The following CYTH4 variants were observed in gnomAD, a reference collection of about 807,000 sequenced individuals.
CYTH4 encodes the protein cytohesin-4.
Under a neutral mutation model 57.5 loss-of-function variants are expected in CYTH4, and 22 were observed. The observed-to-expected ratio is 0.38, with a 90% CI of 0.27 to 0.55. The LOEUF (loss-of-function observed/expected upper bound fraction) is 0.55, where lower values mean the gene tolerates loss of function less well. Ranked by LOEUF, CYTH4 falls within the 20% of genes least tolerant of loss-of-function variation. CYTH4 has a pLI of 0.74. For missense variants in CYTH4, 420 were observed against 535.6 expected (o/e 0.78, Z 2.13); for synonymous variants, 186 against 206.5 (o/e 0.90, Z 0.85).
rs757878344 is a variant in CYTH4, at chr22:37,299,292, C to T, written c.420C>T (p.Leu140=). The T allele has an allele frequency of 3.7e-6, 6 of 1,613,918 alleles. No individual in the cohort carries two copies. Among genetic ancestry groups the T allele is most frequent in the Admixed American group, 1.7e-5 (1 of 59,994 alleles). ...GCCACGAGTTCGCCAACCTCAACCTCGTCCAGGCCCTCAGGTGAGTAGTCC... is the reference window on the plus strand; with the variant it reads ...GCCACGAGTTCGCCAACCTCAACCTTGTCCAGGCCCTCAGGTGAGTAGTCC... ...VDCHEFANLN[L]VQALRQFLWS... The change falls in exon 6 of 13, where the codon CTC becomes CTT. Residue 140 remains leucine (L), a synonymous_variant. Coordinates refer to ENST00000248901, the MANE Select transcript of CYTH4 (RefSeq NM_013385.5).
Position 37,314,617 on chromosome 22 carries a change from AC to A in CYTH4, c.*1109del, listed in dbSNP as rs908250970. Reference sequence around the variant, plus strand: ...GCCCGGCGGGTCCCAGCATCTCGAGACCCTCTGCAGAAGTATTATCAGAGTA... The same window carrying A: ...GCCCGGCGGGTCCCAGCATCTCGAGACCTCTGCAGAAGTATTATCAGAGTA... On this transcript the variant is annotated 3_prime_UTR_variant, in exon 13 of 13. Coordinates refer to ENST00000248901, the MANE Select transcript of CYTH4 (RefSeq NM_013385.5). 5 of 392,940 alleles carry A rather than the reference AC, an allele frequency of 1.3e-5. No homozygotes were observed. The highest frequency in any genetic ancestry group is 6.4e-4 in the Middle Eastern group (1 of 1,558). 24.3% of individuals were successfully genotyped at this position (392,940 alleles called of 1,614,324 possible).
intron 9 of CYTH4, 48 bp downstream of exon 9, chr22:37,309,371 G>A (rs750801433): frequency 1.7e-5 from 26 of 1,530,968 alleles, no homozygotes; most frequent in East Asian, 1.4e-4. Context: ...TCATGCACGC[G>A]CGGGCACACA....
At chr22:37,297,967 C>T in intron 5 of CYTH4, 1 of 268,360 alleles carries the variant, frequency 3.7e-6, no homozygotes, top group Non-Finnish European at 7.3e-6. Flanking sequence ...AAACTCTTGT[C>T]CTCAGGAAGT....
At chr22:37,302,348 G>A (rs763400447) in intron 7 of CYTH4, among the ~76,000 whole-genome samples, 11 of 152,118 alleles carry the variant, frequency 7.2e-5, no homozygotes, top group African/African-American at 1.9e-4. Context: ...TTTGAATCAC[G>A]GTCCAATTAC....
chr22:37,304,514 T>C (rs1364703851), intron 8 of CYTH4, among the ~76,000 whole-genome samples: 1 of 152,136 alleles, frequency 6.6e-6, no homozygotes, highest in African/African-American at 2.4e-5. Context: ...ATCCCCTCCA[T>C]GGTCAGAGCC....
At position 37,311,818 on chromosome 22, in the gene CYTH4, G is replaced by T. The variant is rs1435910912; in HGVS notation, c.958-202G>T. The T allele has an allele frequency of 1.2e-5, 9 of 727,626 alleles. No homozygotes were observed. Among genetic ancestry groups the T allele is most frequent in the Non-Finnish European group, 2.0e-5 (9 of 452,842 alleles). 45.1% of individuals were successfully genotyped at this position (727,626 alleles called of 1,614,324 possible). A position where few individuals can be genotyped will look rare whatever the true frequency, so the allele number is the denominator to read the frequency against. ...GAACCTCAGTGAGCCCACATGTCAC[G>T]TGGGGACTTTAGGGAGGATGGTGGA... On this transcript the variant is annotated intron_variant, in intron 11 of 12. Transcript: ENST00000248901. This position sits in a 1 kb window ranked among gnomAD's most constrained non-coding sequence, Gnocchi z 4.4.
intron 2 of CYTH4, 54 bp downstream of exon 2, chr22:37,292,757 TG>T: frequency 6.4e-7 from 1 of 1,569,466 alleles, no homozygotes; most frequent in Non-Finnish European, 8.7e-7. Context: ...CCTGCACGCT[TG>T]TACGCACCCC....
chr22:37,304,158 A>G (rs1569110284), intron 8 of CYTH4: 1 of 456,686 alleles, frequency 2.2e-6, no homozygotes, highest in Non-Finnish European at 4.4e-6. Context: ...TGACTTCTGA[A>G]CTGGGCCTTG....
chr22:37,309,159 T>C (rs1929540482), intron 8 of CYTH4, 53 bp from the exon 9 acceptor site: 2 of 1,551,010 alleles, frequency 1.3e-6, no homozygotes, highest in African/African-American at 1.4e-5. Flanking sequence ...GGCCTAGGCC[T>C]TGGACTCGGG....
At chr22:37,288,476 C>T (rs1928632050) in intron 1 of CYTH4, among the ~76,000 whole-genome samples, 1 of 152,082 alleles carries the variant, frequency 6.6e-6, no homozygotes, top group African/African-American at 2.4e-5. Context: ...ATCCCAGCTA[C>T]TGGGGAGGCT....
Position 37,311,557 on chromosome 22 carries a change from C to G in CYTH4, c.957+30C>G. ...GTGTTCAGGTTGCAGGATCCCGAGG[C>G]TGGAGCCACTGGGAAATTTCCTAAA... On this transcript the variant is annotated intron_variant, in intron 11 of 12. Transcript: ENST00000248901. This position sits in a 1 kb window ranked among gnomAD's most constrained non-coding sequence, Gnocchi z 4.4. 6.2e-7 allele frequency: 1 copy of G among 1,605,412 alleles called. No individual in the cohort carries two copies. Among genetic ancestry groups the G allele is most frequent in the South Asian group, 1.1e-5 (1 of 90,948 alleles).
At chr22:37,308,474 A>G (rs111238509) in intron 8 of CYTH4, among the ~76,000 whole-genome samples, 34 of 150,462 alleles carry the variant, frequency 2.3e-4, no homozygotes, top group South Asian at 2.1e-4. Flanking sequence ...GTGTGTGTGT[A>G]TGTGTGTACG....
intron 5 of CYTH4, 66 bp from the exon 6 acceptor site, chr22:37,299,160 C>T: frequency 7.8e-7 from 1 of 1,278,002 alleles, no homozygotes; most frequent in Middle Eastern, 1.8e-4. Context: ...CCTCAACCCC[C>T]TCCAGGAGGT....
In CYTH4 at chr22:37,282,567, G is replaced by C. The variant is rs369937667; in HGVS notation, c.-3G>C. ...GGGTCATCTTTTCCCCAGAGGCGTC[G>C]GAATGGACCTGTGCCACCCAGGTAA... On this transcript the variant is annotated 5_prime_UTR_variant, in exon 1 of 13. Transcript: ENST00000248901. The C allele has an allele frequency of 3.7e-6, 6 of 1,613,538 alleles. No individual in the cohort carries two copies. In the Admixed American group the frequency reaches 1.0e-4, roughly 27 times the overall value.
intron 8 of CYTH4, among the ~76,000 whole-genome samples, chr22:37,308,633 T>C (rs1569111809): frequency 6.6e-6 from 1 of 151,862 alleles, no homozygotes; most frequent in Non-Finnish European, 1.5e-5. Flanking sequence ...TGCATGTCTG[T>C]GTGAGTATGC....
intron 4 of CYTH4, 51 bp downstream of exon 4, chr22:37,296,116 G>A (rs761025569): frequency 5.1e-6 from 8 of 1,566,830 alleles, no homozygotes; most frequent in Non-Finnish European, 7.0e-6. Context: ...CTGCATGGGA[G>A]CACCTGCCTG....
intron 8 of CYTH4, among the ~76,000 whole-genome samples, chr22:37,308,644 A>G (rs1342658859): frequency 6.6e-6 from 1 of 150,420 alleles, no homozygotes; most frequent in African/African-American, 2.5e-5. Context: ...GTGAGTATGC[A>G]TGTATGTGTG....
intron 5 of CYTH4, chr22:37,297,913 C>T (rs1362507943): frequency 1.4e-5 from 6 of 414,098 alleles, no homozygotes; most frequent in South Asian, 9.3e-5. Flanking sequence ...GTGTTCCAGG[C>T]ACCATCCTAA....
chr22:37,289,317 C>T (rs1260229555), intron 1 of CYTH4, among the ~76,000 whole-genome samples: 1 of 152,230 alleles, frequency 6.6e-6, no homozygotes, highest in African/African-American at 2.4e-5. Flanking sequence ...TTCAAGAAGT[C>T]ACTTCTCTTT....
Sources: gnomAD v4.1 joint callset for allele counts (sites outside exome capture counted in the v4.1 genomes callset) on GRCh38, gnomAD v4.1.1 for gene constraint, Gnocchi (gnomAD v3.1) non-coding constraint, MANE v1.5 for transcripts, NCBI Gene and HGNC (gene_info 2026-07-23, HGNC 2026-07-21) for gene names.